MISP: variants seen among roughly 807,000 people sequenced by gnomAD.
The protein encoded by MISP is mitotic interactor and substrate of PLK1.
A neutral mutation model predicts 49.3 loss-of-function variants in MISP; 51 were observed. That is an observed-to-expected ratio of 1.03 (90% CI 0.83 to 1.31). The LOEUF (loss-of-function observed/expected upper bound fraction) is 1.31, where lower values mean the gene tolerates loss of function less well. Ranked by LOEUF, MISP falls within the 50% of genes most tolerant of loss-of-function variation. MISP has a pLI of 0.00. For synonymous variants in MISP, 444 were observed against 392.6 expected, an observed-to-expected ratio of 1.13 and a Z score of -1.55; for missense variants, 1,084 against 935.1, an observed-to-expected ratio of 1.16 and a Z score of -2.08.
intron 1 of MISP, among the ~76,000 whole-genome samples, chr19:752,642 C>A (rs1408716409): frequency 6.6e-6 from 1 of 152,118 alleles, no homozygotes; most frequent in Non-Finnish European, 1.5e-5. Flanking sequence ...CAGTGAATCA[C>A]TGGGGAGGAA....
At position 758,233 on chromosome 19, in the gene MISP, G is replaced by A. The variant is rs747279299; in HGVS notation, c.1287G>A (p.Leu429=). 1 of 1,613,158 alleles carries A rather than the reference G, an allele frequency of 6.2e-7. No individual in the cohort carries two copies. The highest frequency in any genetic ancestry group is 8.5e-7 in the Non-Finnish European group (1 of 1,179,948). ...CACCTGATGCCTACCAGCCGTACCT[G>A]AGCCCCGGGACCCCCCAGCTAGAAT... ...RIPPDAYQPY[L]SPGTPQLEFS... Residue 429 remains leucine (L), a synonymous_variant, in exon 2 of 5, where the codon CTG becomes CTA. Transcript: ENST00000215582.
Position 763,956 on chromosome 19 carries a change from C to A in MISP, c.*366C>A. The A allele has an allele frequency of 4.2e-6, 1 of 237,552 alleles. No homozygotes were observed. 14.7% of individuals were successfully genotyped at this position (237,552 alleles called of 1,614,324 possible). A position where few individuals can be genotyped will look rare whatever the true frequency, so the allele number is the denominator to read the frequency against. On this transcript the variant is annotated 3_prime_UTR_variant, in exon 5 of 5. Transcript: ENST00000215582. ...CTAGTCTGAGGGCAGAGGGACCGGT[C>A]AAAGAGGGTGGCACAGATCGCAGCA...
At chr19:756,059 G>C (rs56900565) in intron 1 of MISP, among the ~76,000 whole-genome samples, 90 of 152,254 alleles carry the variant, frequency 5.9e-4, no homozygotes, top group African/African-American at 2.1e-3. Flanking sequence ...GCGAGTTGTT[G>C]GGGTAGTAAC....
rs775768404 is a variant in MISP, at chr19:758,672, C to T, written c.1726C>T (p.Pro576Ser). ...RNALFPEVFS[P>S]TPDENSDQNS... ...TGCTCTCTTCCCAGAGGTCTTCTCC[C>T]CAACGCCAGATGAGAACTCTGACCA... The change falls in exon 2 of 5, where the codon CCA becomes TCA. Residue 576 changes from proline (P) to serine (S), a missense_variant. Coordinates refer to ENST00000215582, the MANE Select transcript of MISP (RefSeq NM_173481.4). 20 of 1,614,056 alleles carry T rather than the reference C, an allele frequency of 1.2e-5. No homozygotes were observed. Among genetic ancestry groups the T allele is most frequent in the South Asian group, 7.7e-5 (7 of 91,086 alleles).
Position 758,403 on chromosome 19 carries a change from A to G in MISP, c.1457A>G (p.Lys486Arg), listed in dbSNP as rs1410634865. The change falls in exon 2 of 5, where the codon AAG becomes AGG. Residue 486 changes from lysine (K) to arginine (R), a missense_variant. Transcript: ENST00000215582. Reference sequence around the variant, plus strand: ...CTGAGCACAAAGCAAGAGGCATCGAAGCCCCCTCGGGGATGCCCGCAAGCC... The same window carrying G: ...CTGAGCACAAAGCAAGAGGCATCGAGGCCCCCTCGGGGATGCCCGCAAGCC... ...KPLSTKQEAS[K>R]PPRGCPQANR... 1.2e-6 allele frequency: 2 copies of G among 1,614,216 alleles called. No individual in the cohort carries two copies. The highest frequency in any genetic ancestry group is 2.2e-5 in the South Asian group (2 of 91,084).
rs1173777122 is a variant in MISP at position 756,976 on chromosome 19, G to A, written c.30G>A (p.Leu10=). Reference sequence around the variant, plus strand: ...ACCGCGTGACCAGATACCCCATCCTGGGCATCCCTCAGGCACACCGTGGCA... The same window carrying A: ...ACCGCGTGACCAGATACCCCATCCTAGGCATCCCTCAGGCACACCGTGGCA... MDRVTRYPI[L]GIPQAHRGTG... The change falls in exon 2 of 5, where the codon CTG becomes CTA. Residue 10 remains leucine (L), a synonymous_variant. Coordinates refer to ENST00000215582, the MANE Select transcript of MISP (RefSeq NM_173481.4). 19 of 1,585,826 alleles carry A rather than the reference G, an allele frequency of 1.2e-5. No individual in the cohort carries two copies. The Middle Eastern group carries it at 5.0e-4, about 42-fold the overall frequency.
intron 1 of MISP, among the ~76,000 whole-genome samples, chr19:751,710 T>TG: frequency 6.6e-6 from 1 of 151,408 alleles, no homozygotes; most frequent in East Asian, 2.0e-4. Flanking sequence ...GGTCCTCGGG[T>TG]GGGGGTGAGG....
At position 756,985 on chromosome 19, in the gene MISP, T is replaced by A. The variant is rs8110536; in HGVS notation, c.39T>A (p.Pro13=). Residue 13 remains proline (P), a synonymous_variant, in exon 2 of 5, where the codon CCT becomes CCA. Coordinates refer to ENST00000215582, the MANE Select transcript of MISP (RefSeq NM_173481.4). Reference sequence around the variant, plus strand: ...CCAGATACCCCATCCTGGGCATCCCTCAGGCACACCGTGGCACCGGCCTGG... The same window carrying A: ...CCAGATACCCCATCCTGGGCATCCCACAGGCACACCGTGGCACCGGCCTGG... ...RVTRYPILGI[P]QAHRGTGLVL... is the part of the protein sequence containing the mutation. 7.5e-6 allele frequency: 12 copies of A among 1,592,968 alleles called. No homozygotes were observed. In the African/African-American group the frequency reaches 8.1e-5, roughly 11 times the overall value.
At chr19:760,806 G>C (rs2033661574) in intron 3 of MISP, among the ~76,000 whole-genome samples, 1 of 152,022 alleles carries the variant, frequency 6.6e-6, no homozygotes, top group South Asian at 2.1e-4. Flanking sequence ...TCACACGCTG[G>C]CTCGGGGCTT....
At chr19:751,709 G>A (rs1389224877) in intron 1 of MISP, among the ~76,000 whole-genome samples, 3 of 152,174 alleles carry the variant, frequency 2.0e-5, no homozygotes, top group Non-Finnish European at 4.4e-5. Flanking sequence ...GGGTCCTCGG[G>A]TGGGGGTGAG....
At position 758,527 on chromosome 19, in the gene MISP, C is replaced by T; in HGVS notation, c.1581C>T (p.Gly527=). ...AGGCCCAAGTCCCCCATGTCTGGGG[C>T]TGGGAGGTGGCTGGGGCCCCTGCAC... ...PQQAQVPHVW[G]WEVAGAPALR... The change falls in exon 2 of 5, where the codon GGC becomes GGT. Residue 527 remains glycine, a synonymous_variant. Transcript: ENST00000215582. The T allele has an allele frequency of 1.2e-6, 2 of 1,614,132 alleles. No homozygotes were observed. Among genetic ancestry groups the T allele is most frequent in the Non-Finnish European group, 1.7e-6 (2 of 1,179,966 alleles).
upstream of MISP, among the ~76,000 whole-genome samples, chr19:749,642 C>G (rs557245931): frequency 3.9e-5 from 6 of 152,302 alleles, no homozygotes; most frequent in Admixed American, 3.9e-4. Flanking sequence ...ACCAGCCTGG[C>G]TAACGTGGCA....
In MISP at chr19:763,473, C is replaced by T. The variant is rs758169816; in HGVS notation, c.1951-28C>T. The T allele has an allele frequency of 6.2e-5, 97 of 1,554,674 alleles. No individual in the cohort carries two copies. The South Asian group carries it at 7.8e-4, about 13-fold the overall frequency. ...CTTGGGGGTGTGGTAGGACCTGGAT[C>T]GGGGGAATTCATGCCTCCTTTTTGC... On this transcript the variant is annotated intron_variant, in intron 4 of 4. Transcript: ENST00000215582.
At chr19:752,300 C>T (rs1274932715) in intron 1 of MISP, among the ~76,000 whole-genome samples, 1 of 152,190 alleles carries the variant, frequency 6.6e-6, no homozygotes, top group Non-Finnish European at 1.5e-5. Context: ...GAATGCCGGC[C>T]ATGAGAGCCG....
In MISP at chr19:757,532, G is replaced by T. The variant is rs1214565394; in HGVS notation, c.586G>T (p.Ala196Ser). 2 of 1,611,374 alleles carry T rather than the reference G, an allele frequency of 1.2e-6. No homozygotes were observed. Among genetic ancestry groups the T allele is most frequent in the African/African-American group, 1.3e-5 (1 of 75,036 alleles). Residue 196 changes from alanine (A) to serine (S), a missense_variant, in exon 2 of 5, where the codon GCG (alanine) becomes TCG (serine). Coordinates refer to ENST00000215582, the MANE Select transcript of MISP (RefSeq NM_173481.4). ...CAGGGAGCAGATTGACTTCCTGGCA[G>T]CGAGACAGCAGTTCCTGAGTCTGGA... ...VDREQIDFLA[A>S]RQQFLSLEQA...
Position 761,766 on chromosome 19 carries a change from G to A in MISP, c.1950+103G>A, listed in dbSNP as rs1476699304. On this transcript the variant is annotated intron_variant, in intron 4 of 4. Coordinates refer to ENST00000215582, the MANE Select transcript of MISP (RefSeq NM_173481.4). Reference sequence around the variant, plus strand: ...GCCCCTTCCTCCAGGTGTGGGGATCGTATTGGGTGTCTTCTCAATTGGTAG... The same window carrying A: ...GCCCCTTCCTCCAGGTGTGGGGATCATATTGGGTGTCTTCTCAATTGGTAG... 40 of 1,243,180 alleles carry A rather than the reference G, an allele frequency of 3.2e-5. No individual in the cohort carries two copies. The East Asian group carries it at 6.6e-4, about 21-fold the overall frequency. The allele number at this position is 1,243,180 out of a possible 1,614,324, so 77.0% of individuals were successfully genotyped here. A position where few individuals can be genotyped will look rare whatever the true frequency, so the allele number is the denominator to read the frequency against.
At chr19:749,765 C>G (rs757265991), upstream of MISP, among the ~76,000 whole-genome samples, 1 of 151,770 alleles carries the variant, frequency 6.6e-6, no homozygotes, top group Non-Finnish European at 1.5e-5. Context: ...GGGAGGTTGC[C>G]GTGAGCCGAG....
Position 758,467 on chromosome 19 carries a change from T to A in MISP, c.1521T>A (p.Arg507=). 1.9e-6 allele frequency: 3 copies of A among 1,614,054 alleles called. No individual in the cohort carries two copies. The South Asian group carries it at 3.3e-5, about 18-fold the overall frequency. The change falls in exon 2 of 5, where the codon CGT becomes CGA. Residue 507 remains arginine (R), a synonymous_variant. Transcript: ENST00000215582. ...TGCGGTGGGAGTACTTCCGCCTGCGTCCTCTGCGGTTCAGGGCCCCAGACG... is the reference window on the plus strand; with the variant it reads ...TGCGGTGGGAGTACTTCCGCCTGCGACCTCTGCGGTTCAGGGCCCCAGACG... The part of the protein sequence containing the change: ...GVVRWEYFRL[R]PLRFRAPDEP...
At chr19:753,680 T>C (rs2033498184) in intron 1 of MISP, among the ~76,000 whole-genome samples, 1 of 151,280 alleles carries the variant, frequency 6.6e-6, no homozygotes, top group African/African-American at 2.4e-5. Context: ...GCCGACCCTG[T>C]CTGTTTAAAA....
Sources: allele counts gnomAD v4.1 joint callset (sites outside exome capture counted in the v4.1 genomes callset), GRCh38; gene constraint gnomAD v4.1.1; transcripts MANE v1.5; gene names NCBI Gene and HGNC (gene_info 2026-07-23, HGNC 2026-07-21).